The following HSD17B4 variants were observed in gnomAD, a reference collection of about 807,000 sequenced individuals.
The protein encoded by HSD17B4 is peroxisomal multifunctional enzyme type 2.
HSD17B4 carries 70 observed loss-of-function variants against 101.0 expected under a neutral mutation model. The ratio of observed to expected loss-of-function variants is 0.69; its 90% CI spans 0.57 to 0.85. The LOEUF is 0.85. Ranked by LOEUF, HSD17B4 falls within the 40% of genes least tolerant of loss-of-function variation. The pLI is 0.00. For synonymous variants in HSD17B4, 347 were observed against 297.1 expected (o/e 1.17, Z -1.73); for missense variants, 984 against 892.4 (o/e 1.10, Z -1.31).
chr5:119,525,758 G>T, intron 18 of HSD17B4, 159 bp from the exon 19 acceptor site: 4 of 577,912 alleles, frequency 6.9e-6, no homozygotes, highest in Non-Finnish European at 9.3e-6. Flanking sequence ...TTCCTCCCAG[G>T]AAATACTCTT....
intron 13 of HSD17B4, among the ~76,000 whole-genome samples, chr5:119,500,138 A>G (rs1389036483): frequency 6.6e-6 from 1 of 152,122 alleles, no homozygotes; most frequent in African/African-American, 2.4e-5. Flanking sequence ...AGACTGGTAC[A>G]AGCTTGTTGC....
intron 11 of HSD17B4, among the ~76,000 whole-genome samples, chr5:119,494,641 G>A (rs1173314887): frequency 6.6e-6 from 1 of 152,028 alleles, no homozygotes. Flanking sequence ...CCTACCACTT[G>A]AGCATCTAAT....
At chr5:119,454,442 A>T (rs1487196958) in intron 1 of HSD17B4, among the ~76,000 whole-genome samples, 1 of 151,258 alleles carries the variant, frequency 6.6e-6, no homozygotes, top group Non-Finnish European at 1.5e-5. Flanking sequence ...ACTAGCTAGG[A>T]CTGTAGGCAT....
At chr5:119,531,571 GT>G in intron 22 of HSD17B4, among the ~76,000 whole-genome samples, 167 bp downstream of exon 22, 1 of 134,892 alleles carries the variant, frequency 7.4e-6, no homozygotes, top group Admixed American at 7.1e-5. Flanking sequence ...AAAGGGGGGT[GT>G]GTGTGTGTGT....
rs1307557980 is a variant in HSD17B4, at chr5:119,525,292, T to G, written c.1573+7T>G. On this transcript the variant is annotated splice_region_variant and intron_variant, in intron 18 of 23. Coordinates refer to ENST00000510025, the MANE Select transcript of HSD17B4 (RefSeq NM_000414.4). Reference sequence around the variant, plus strand: ...AACTTTGCTAGTCTAGCAGGTGAGTTGTCTTTAATATGTATCAATGAAAAA... The same window carrying G: ...AACTTTGCTAGTCTAGCAGGTGAGTGGTCTTTAATATGTATCAATGAAAAA... 1.9e-6 allele frequency: 3 copies of G among 1,566,566 alleles called. No individual in the cohort carries two copies. Among genetic ancestry groups the G allele is most frequent in the Non-Finnish European group, 2.6e-6 (3 of 1,137,160 alleles).
At position 119,489,380 on chromosome 5, in the gene HSD17B4, A is replaced by G. The variant is rs890385537; in HGVS notation, c.714+97A>G. On this transcript the variant is annotated intron_variant, in intron 9 of 23. Transcript: ENST00000510025. ...GGACATCACTTGTATATTTTTAAAT[A>G]TTGTGTCTATGTTATAATTAAAAGT... 16 of 804,488 alleles carry G rather than the reference A, an allele frequency of 2.0e-5. No homozygotes were observed. The African/African-American group carries it at 2.6e-4, about 13-fold the overall frequency. The allele number at this position is 804,488 out of a possible 1,614,324, so 49.8% of individuals were successfully genotyped here.
chr5:119,467,702 G>A (rs979963481), intron 2 of HSD17B4, among the ~76,000 whole-genome samples: 2 of 152,142 alleles, frequency 1.3e-5, no homozygotes, highest in African/African-American at 4.8e-5. Context: ...AGTATTCATA[G>A]GATATGAAAT....
intron 18 of HSD17B4, 46 bp downstream of exon 18, chr5:119,525,331 A>T: frequency 8.8e-7 from 1 of 1,134,912 alleles, no homozygotes; most frequent in Non-Finnish European, 1.3e-6. Flanking sequence ...TAGCTATTCG[A>T]TATTTAATTA....
intron 2 of HSD17B4, among the ~76,000 whole-genome samples, chr5:119,458,432 C>T (rs1383171047): frequency 2.6e-5 from 4 of 151,676 alleles, no homozygotes; most frequent in Non-Finnish European, 5.9e-5. Flanking sequence ...CAACGTCTGC[C>T]TCCGGGTTCA....
At chr5:119,463,939 G>A (rs1580518904) in intron 2 of HSD17B4, among the ~76,000 whole-genome samples, 1 of 152,060 alleles carries the variant, frequency 6.6e-6, no homozygotes, top group East Asian at 1.9e-4. Context: ...CCAAAGTGCG[G>A]GGATTACAGG....
chr5:119,475,637 G>A, intron 4 of HSD17B4, 69 bp from the exon 5 acceptor site: 1 of 1,223,944 alleles, frequency 8.2e-7, no homozygotes, highest in Non-Finnish European at 1.2e-6. Flanking sequence ...TGAGAGAAAT[G>A]TGAGTTGTAA....
At chr5:119,474,914 T>C (rs1460614500) in intron 4 of HSD17B4, among the ~76,000 whole-genome samples, 1 of 152,158 alleles carries the variant, frequency 6.6e-6, no homozygotes, top group African/African-American at 2.4e-5. Context: ...TTCAAATAAA[T>C]TGTTGAGTTT....
intron 18 of HSD17B4, chr5:119,525,697 A>C (rs1037403002): frequency 1.1e-5 from 6 of 571,158 alleles, no homozygotes; most frequent in Non-Finnish European, 1.9e-5. Context: ...GATCTCTCAC[A>C]TTCTTTTCCT....
chr5:119,473,772 G>C, intron 2 of HSD17B4, 136 bp from the exon 3 acceptor site: 1 of 698,352 alleles, frequency 1.4e-6, no homozygotes, highest in Non-Finnish European at 2.6e-6. Context: ...TTAGTAAGAT[G>C]GGATAGGGTA....
At chr5:119,452,927 C>T (rs1754212841) in intron 1 of HSD17B4, 1 of 1,268,594 alleles carries the variant, frequency 7.9e-7, no homozygotes, top group Non-Finnish European at 1.1e-6. Context: ...GAAAGTTCTC[C>T]CTGACCCTTA....
At chr5:119,536,611 G>A in intron 23 of HSD17B4, 61 bp downstream of exon 23, 2 of 1,531,534 alleles carry the variant, frequency 1.3e-6, no homozygotes, top group Non-Finnish European at 1.8e-6. Context: ...GACAATTGCA[G>A]TTTTTAAGCT....
intron 2 of HSD17B4, among the ~76,000 whole-genome samples, chr5:119,470,023 A>T (rs1240927935): frequency 6.6e-6 from 1 of 152,062 alleles, no homozygotes; most frequent in Non-Finnish European, 1.5e-5. Context: ...TGGTGGTGTC[A>T]GTTGTCTTGG....
rs32663 is a variant in HSD17B4, at chr5:119,509,394, G to A, written c.1437+150G>A. ...TGCCACCCCTGGGACACCAAGACCA[G>A]TCCCTCTTCTTCCTCCTCCTCTTCC... On this transcript the variant is annotated intron_variant, in intron 16 of 23. Coordinates refer to ENST00000510025, the MANE Select transcript of HSD17B4 (RefSeq NM_000414.4). 0.47 allele frequency: 331,263 copies of A among 712,232 alleles called. 78,956 individuals carry two copies. Among genetic ancestry groups the A allele is most frequent in the Admixed American group, 0.55 (27,735 of 50,828 alleles). 44.1% of individuals were successfully genotyped at this position (712,232 alleles called of 1,614,324 possible).
chr5:119,519,057 G>A (rs1006368155), intron 17 of HSD17B4, among the ~76,000 whole-genome samples: 3 of 152,162 alleles, frequency 2.0e-5, no homozygotes, highest in African/African-American at 7.2e-5. Flanking sequence ...AGGATCACTT[G>A]AGCCTGGTAA....
Sources: gnomAD v4.1 joint callset for allele counts (sites outside exome capture counted in the v4.1 genomes callset) on GRCh38, gnomAD v4.1.1 for gene constraint, MANE v1.5 for transcripts, NCBI Gene and HGNC (gene_info 2026-07-23, HGNC 2026-07-21) for gene names.